The following NSD3 variants were observed in gnomAD, a reference collection of about 807,000 sequenced individuals.
The protein encoded by NSD3 is nuclear receptor binding SET domain protein 3, also known as histone-lysine N-methyltransferase NSD3.
A neutral mutation model predicts 160.8 loss-of-function variants in NSD3; 24 were observed. The ratio of observed to expected loss-of-function variants is 0.15; its 90% CI spans 0.11 to 0.21. The LOEUF (loss-of-function observed/expected upper bound fraction) is 0.21, where lower values mean the gene tolerates loss of function less well. Among genes scored for constraint, NSD3 ranks in the 10% least tolerant of loss-of-function variants. The pLI, the probability that NSD3 is intolerant of heterozygous loss-of-function variation, is 1.00. For missense variants in NSD3, 1,157 were observed against 1,735.9 expected, an observed-to-expected ratio of 0.67 and a Z score of 5.93; for synonymous variants, 520 against 600.0, an observed-to-expected ratio of 0.87 and a Z score of 1.95.
intron 12 of NSD3, among the ~76,000 whole-genome samples, chr8:38,306,104 G>C (rs1466845192): frequency 6.6e-6 from 1 of 151,904 alleles, no homozygotes; most frequent in Non-Finnish European, 1.5e-5. Flanking sequence ...ATTCGCCAGG[G>C]AGAATTAACA....
At chr8:38,302,228 T>C (rs1338020175) in intron 14 of NSD3, among the ~76,000 whole-genome samples, 28 of 152,222 alleles carry the variant, frequency 1.8e-4, no homozygotes, top group Admixed American at 1.8e-3. Flanking sequence ...AGTTTTCTAA[T>C]ACCCAAACAG....
At position 38,329,304 on chromosome 8, in the gene NSD3, C is replaced by G. The variant is rs1293931294; in HGVS notation, c.1581+74G>C. The G allele has an allele frequency of 1.3e-6, 2 of 1,495,982 alleles. No homozygotes were observed. The highest frequency in any genetic ancestry group is 1.8e-6 in the Non-Finnish European group (2 of 1,107,370). The allele number at this position is 1,495,982 out of a possible 1,614,324, so 92.7% of individuals were successfully genotyped here. A position where few individuals can be genotyped will look rare whatever the true frequency, so the allele number is the denominator to read the frequency against. ...AAGGGTATTTAAATTATGCCAAGGT[C>G]ATTGTTTTAAATGCCAAGGTTGACC... On this transcript the variant is annotated intron_variant, in intron 6 of 23. Coordinates refer to ENST00000317025, the MANE Select transcript of NSD3 (RefSeq NM_023034.2). This position sits in a 1 kb window ranked among gnomAD's most constrained non-coding sequence, Gnocchi z 4.8.
Position 38,315,951 on chromosome 8 carries a change from G to A in NSD3, c.1947C>T (p.Asp649=). The A allele has an allele frequency of 6.2e-7, 1 of 1,613,812 alleles. No individual in the cohort carries two copies. The highest frequency in any genetic ancestry group is 8.5e-7 in the Non-Finnish European group (1 of 1,180,006). The part of the protein sequence containing the change: ...DVEMTSSAYR[D]TSDSDSRGLS... The stretch of plus-strand genomic sequence containing the variant: ...GTCCTCTAGAATCGGAGTCAGATGT[G>A]TCTCTGTATGCTGAACTAGTCATTT... The change falls in exon 10 of 24, where the codon GAC becomes GAT. Residue 649 remains aspartate (D), a synonymous_variant. Transcript: ENST00000317025.
chr8:38,381,037 C>G (rs1811534337), intron 1 of NSD3, among the ~76,000 whole-genome samples: 1 of 152,164 alleles, frequency 6.6e-6, no homozygotes, highest in Non-Finnish European at 1.5e-5. Flanking sequence ...ACCAGCTTCT[C>G]TATTCTCTAG....
At chr8:38,349,083 C>T (rs1242141364) in intron 1 of NSD3, among the ~76,000 whole-genome samples, 3 of 152,206 alleles carry the variant, frequency 2.0e-5, no homozygotes, top group African/African-American at 4.8e-5. Flanking sequence ...TCTTTCTCTA[C>T]ATTTTTACAT....
Position 38,318,092 on chromosome 8 carries a change from G to C in NSD3, c.1855+803C>G, listed in dbSNP as rs1266526045. On this transcript the variant is annotated intron_variant, in intron 9 of 23. Coordinates refer to ENST00000317025, the MANE Select transcript of NSD3 (RefSeq NM_023034.2). The surrounding 1 kb of genome is among the most constrained non-coding windows in gnomAD (Gnocchi z 5.3). The stretch of plus-strand genomic sequence containing the variant: ...CAGGCCTCCTAATCTCGCAGCGATC[G>C]CGATGTCTTTTCTTGGAGCTCCGCC... The C allele has an allele frequency of 6.2e-7, 1 of 1,603,442 alleles. No individual in the cohort carries two copies. The highest frequency in any genetic ancestry group is 8.5e-7 in the Non-Finnish European group (1 of 1,173,760).
In NSD3 at chr8:38,316,650, TATGTCATG is replaced by T. The variant is rs1191485035; in HGVS notation, c.1856-616_1856-609del. On this transcript the variant is annotated intron_variant, in intron 9 of 23. Coordinates refer to ENST00000317025, the MANE Select transcript of NSD3 (RefSeq NM_023034.2). This position sits in a 1 kb window ranked among gnomAD's most constrained non-coding sequence, Gnocchi z 4.5. ...TAACAAGCGCTGCAGCACATCTACA[TATGTCATG>T]CCATTTAGAAGGCACATTGCTGAGG... 1 of 1,052,946 alleles carries T rather than the reference TATGTCATG, an allele frequency of 9.5e-7. No individual in the cohort carries two copies. The highest frequency in any genetic ancestry group is 1.1e-6 in the Non-Finnish European group (1 of 871,590). The allele number at this position is 1,052,946 out of a possible 1,614,324, so 65.2% of individuals were successfully genotyped here.
intron 1 of NSD3, among the ~76,000 whole-genome samples, chr8:38,377,436 C>G (rs1811421710): frequency 6.6e-6 from 1 of 152,114 alleles, no homozygotes; most frequent in Admixed American, 6.5e-5. Context: ...GCGGCTTTCC[C>G]CCTCGGGGTT....
chr8:38,275,407 G>T lies in NSD3; in HGVS notation c.*234C>A. On this transcript the variant is annotated 3_prime_UTR_variant, in exon 24 of 24. Transcript: ENST00000317025. ...GCAATGGCACTGAAGCACAATAAAA[G>T]GCAAGAAAAGACCAAGGGAATTTAA... The T allele has an allele frequency of 4.2e-6, 2 of 478,938 alleles. No homozygotes were observed. The highest frequency in any genetic ancestry group is 3.3e-5 in the East Asian group (1 of 30,112). 29.7% of individuals were successfully genotyped at this position (478,938 alleles called of 1,614,324 possible).
At chr8:38,307,000 A>T (rs1284986012) in intron 12 of NSD3, among the ~76,000 whole-genome samples, 1 of 151,586 alleles carries the variant, frequency 6.6e-6, no homozygotes, top group African/African-American at 2.4e-5. Flanking sequence ...CTGTAGTCGC[A>T]GCTACTCGGG....
At chr8:38,310,759 G>A (rs1809515563) in intron 12 of NSD3, among the ~76,000 whole-genome samples, 1 of 151,380 alleles carries the variant, frequency 6.6e-6, no homozygotes, top group Non-Finnish European at 1.5e-5. Context: ...CAATCCGCTC[G>A]TCTTGGCTTC....
chr8:38,279,582 C>G lies in NSD3; in HGVS notation c.3718G>C (p.Asp1240His), dbSNP rs1291286934. The G allele has an allele frequency of 1.2e-6, 2 of 1,614,160 alleles. No individual in the cohort carries two copies. Among genetic ancestry groups the G allele is most frequent in the Non-Finnish European group, 8.5e-7 (1 of 1,180,018 alleles). ...CETQKWTVNG[D>H]VRVGLFALCD... ...AGAGCAAATAGTCCCACTCGAACAT[C>G]TCCATTCACTGTCCACTTTTGTGTT... is the stretch of plus-strand genomic sequence containing the variant. Residue 1240 changes from aspartate (D) to histidine (H), a missense_variant, in exon 21 of 24, where the codon GAT becomes CAT. Around this residue, in one of 10 missense-constraint regions of NSD3, gnomAD observed 222 missense variants for 409.9 expected, o/e 0.54. Coordinates refer to ENST00000317025, the MANE Select transcript of NSD3 (RefSeq NM_023034.2).
At chr8:38,346,365 A>G (rs1468137693) in intron 2 of NSD3, among the ~76,000 whole-genome samples, 1 of 147,150 alleles carries the variant, frequency 6.8e-6, no homozygotes. Context: ...GTATATGTAT[A>G]TATGTATATA....
chr8:38,349,279 A>G (rs1464661849), intron 1 of NSD3, among the ~76,000 whole-genome samples: 1 of 152,038 alleles, frequency 6.6e-6, no homozygotes, highest in Admixed American at 6.6e-5. Context: ...GTTTCTCACA[A>G]TTGTTTGATA....
At chr8:38,304,274 G>C (rs1809344095) in intron 14 of NSD3, among the ~76,000 whole-genome samples, 1 of 152,206 alleles carries the variant, frequency 6.6e-6, no homozygotes, top group African/African-American at 2.4e-5. Context: ...GTTGTTTGCA[G>C]AAGGGAAAAG....
chr8:38,339,074 A>G (rs1810293961), intron 2 of NSD3, among the ~76,000 whole-genome samples: 1 of 149,474 alleles, frequency 6.7e-6, no homozygotes, highest in African/African-American at 2.5e-5. Context: ...CAGGAGGCGG[A>G]GGTTGCAGTG....
intron 1 of NSD3, among the ~76,000 whole-genome samples, chr8:38,373,511 TG>T (rs1264200656): frequency 1.3e-5 from 2 of 152,228 alleles, no homozygotes; most frequent in Non-Finnish European, 2.9e-5. Flanking sequence ...AGTTTTTGTT[TG>T]TTTTTTACAT....
At chr8:38,292,959 G>A (rs112231065) in intron 16 of NSD3, among the ~76,000 whole-genome samples, 1,483 of 144,976 alleles carry the variant, frequency 0.01, 16 homozygotes, top group Middle Eastern at 0.019. Context: ...GCGACAGAGC[G>A]AGACTCTGTC....
At chr8:38,331,665 G>C (rs897985934) in intron 4 of NSD3, 80 bp from the exon 5 acceptor site, 26 of 1,478,430 alleles carry the variant, frequency 1.8e-5, no homozygotes, top group Non-Finnish European at 1.3e-5. Context: ...ATCTAACCCA[G>C]GTTCCTCAGT....
Sources: allele counts gnomAD v4.1 joint callset (sites outside exome capture counted in the v4.1 genomes callset), GRCh38; gene constraint gnomAD v4.1.1; regional missense constraint gnomAD v4.1.1; non-coding constraint Gnocchi (gnomAD v3.1); transcripts MANE v1.5; gene names NCBI Gene and HGNC (gene_info 2026-07-23, HGNC 2026-07-21).